Variants in NME8 observed in about 807,000 individuals in gnomAD.
The protein encoded by NME8 is protein NME8.
Under a neutral mutation model 82.3 loss-of-function variants are expected in NME8, and 72 were observed. The ratio of observed to expected loss-of-function variants is 0.87; its 90% confidence interval spans 0.72 to 1.06. The LOEUF is 1.06. Ranked by LOEUF, NME8 falls within the 50% of genes least tolerant of loss-of-function variation. NME8 has a pLI of 0.00. For missense variants in NME8, 712 were observed against 685.4 expected (o/e 1.04, Z -0.43); for synonymous variants, 267 against 228.5 (o/e 1.17, Z -1.52).
At chr7:37,896,637 T>C (rs1785232733) in intron 16 of NME8, among the ~76,000 whole-genome samples, 1 of 152,158 alleles carries the variant, frequency 6.6e-6, no homozygotes, top group South Asian at 2.1e-4. Flanking sequence ...AGTAGCAAAA[T>C]AATAAGACTT....
intron 16 of NME8, among the ~76,000 whole-genome samples, chr7:37,895,876 A>G (rs763860555): frequency 4.6e-5 from 7 of 152,200 alleles, no homozygotes; most frequent in African/African-American, 7.2e-5. Flanking sequence ...CCCAGGAGCC[A>G]TAGGCTGAAC....
chr7:37,857,152 G>A (rs554401414), intron 5 of NME8, 122 bp from the exon 6 acceptor site: 1 of 735,046 alleles, frequency 1.4e-6, no homozygotes, highest in African/African-American at 1.8e-5. Context: ...AACCACTAAG[G>A]CATACCGAAT....
chr7:37,854,610 A>G (rs2131940816), intron 5 of NME8, among the ~76,000 whole-genome samples: 1 of 152,292 alleles, frequency 6.6e-6, no homozygotes, highest in South Asian at 2.1e-4. Context: ...AGCAGTCTTG[A>G]ATAACTGGAA....
chr7:37,857,283 G>T lies in NME8; in HGVS notation c.208G>T (p.Asp70Tyr). The T allele has an allele frequency of 2.5e-6, 4 of 1,610,470 alleles. No homozygotes were observed. The South Asian group carries it at 3.3e-5, about 13-fold the overall frequency. The change falls in exon 6 of 18, where the codon GAC (aspartate) becomes TAC (tyrosine). Residue 70 changes from aspartate to tyrosine, a missense_variant. Physicochemically the swap from Asp to Tyr is radical, Grantham distance 160. Transcript: ENST00000199447. ...EILHFAVAEADNIVTLQPFRD... is the reference protein window; with the variant it reads ...EILHFAVAEAYNIVTLQPFRD... ...TGTTTACTTTTTCCAGGCAGAAGCTGACAACATTGTGACTTTGCAGCCATT... is the reference window on the plus strand; with the variant it reads ...TGTTTACTTTTTCCAGGCAGAAGCTTACAACATTGTGACTTTGCAGCCATT...
chr7:37,862,176 C>G, intron 7 of NME8, 32 bp downstream of exon 7: 1 of 1,403,896 alleles, frequency 7.1e-7, no homozygotes, highest in Non-Finnish European at 1.0e-6. Flanking sequence ...AGTTTGAAGA[C>G]AAGCTTATCA....
intron 15 of NME8, among the ~76,000 whole-genome samples, chr7:37,891,243 T>C (rs1785124793): frequency 1.3e-5 from 2 of 151,924 alleles, no homozygotes; most frequent in African/African-American, 4.8e-5. Context: ...TCTTCACTCT[T>C]GATTTTTTTC....
At chr7:37,854,348 C>T (rs2167265) in intron 5 of NME8, among the ~76,000 whole-genome samples, 2 of 152,046 alleles carry the variant, frequency 1.3e-5, no homozygotes, top group South Asian at 2.1e-4. Context: ...GAGGAGGAGA[C>T]GAAGGAAGAG....
In NME8 at chr7:37,897,023, T is replaced by C; in HGVS notation, c.1698T>C (p.His566=). The change falls in exon 17 of 18, where the codon CAT becomes CAC. Residue 566 remains histidine (H), a synonymous_variant. Coordinates refer to ENST00000199447, the MANE Select transcript of NME8 (RefSeq NM_016616.5). ...FGISKLKNIV[H]GASNAYEAKE... Reference sequence around the variant, plus strand: ...TAAGTAAATTGAAAAACATTGTCCATGGAGCATCTAACGCCTATGAAGCAA... The same window carrying C: ...TAAGTAAATTGAAAAACATTGTCCACGGAGCATCTAACGCCTATGAAGCAA... 1.2e-6 allele frequency: 2 copies of C among 1,613,942 alleles called. No homozygotes were observed. The highest frequency in any genetic ancestry group is 1.7e-6 in the Non-Finnish European group (2 of 1,179,892).
intron 15 of NME8, among the ~76,000 whole-genome samples, chr7:37,892,094 C>A (rs1583645350): frequency 6.6e-6 from 1 of 151,800 alleles, no homozygotes; most frequent in South Asian, 2.1e-4. Context: ...TTTCAAGAAA[C>A]CTGGTGCCAT....
chr7:37,891,966 T>C (rs535692347), intron 15 of NME8, among the ~76,000 whole-genome samples: 1 of 152,054 alleles, frequency 6.6e-6, no homozygotes, highest in African/African-American at 2.4e-5. Context: ...AAATGTTAAA[T>C]GTACTTTGTC....
At chr7:37,870,245 TA>T (rs34913943) in intron 11 of NME8, among the ~76,000 whole-genome samples, 21 of 145,186 alleles carry the variant, frequency 1.4e-4, no homozygotes, top group African/African-American at 7.6e-5. Flanking sequence ...CTGATGAACT[TA>T]AAAAAAAAAA....
At chr7:37,855,651 T>C (rs963763379) in intron 5 of NME8, among the ~76,000 whole-genome samples, 8 of 152,216 alleles carry the variant, frequency 5.3e-5, no homozygotes, top group African/African-American at 1.9e-4. Flanking sequence ...CTGCTTCTCC[T>C]GATATGTTAA....
At chr7:37,867,652 C>T in intron 10 of NME8, 50 bp from the exon 11 acceptor site, 3 of 1,422,930 alleles carry the variant, frequency 2.1e-6, no homozygotes, top group Non-Finnish European at 3.0e-6. Flanking sequence ...CCATTTTAGT[C>T]CATCCATTTC....
At chr7:37,890,345 G>A (rs1785109633) in intron 15 of NME8, among the ~76,000 whole-genome samples, 1 of 151,866 alleles carries the variant, frequency 6.6e-6, no homozygotes, top group African/African-American at 2.4e-5. Context: ...TATTCATGGG[G>A]TACATTATGA....
At chr7:37,861,336 C>T (rs1365605767) in intron 6 of NME8, among the ~76,000 whole-genome samples, 1 of 152,118 alleles carries the variant, frequency 6.6e-6, no homozygotes, top group Non-Finnish European at 1.5e-5. Context: ...TCTGTTATTC[C>T]TTTTGCTCTT....
intron 11 of NME8, among the ~76,000 whole-genome samples, chr7:37,870,423 G>T (rs1583633682): frequency 6.6e-6 from 1 of 151,292 alleles, no homozygotes; most frequent in Non-Finnish European, 1.5e-5. Flanking sequence ...ACCCAGTCTC[G>T]ACTAAAAACA....
chr7:37,885,971 C>A (rs1312654869), intron 14 of NME8, among the ~76,000 whole-genome samples: 2 of 152,148 alleles, frequency 1.3e-5, no homozygotes, highest in Non-Finnish European at 2.9e-5. Flanking sequence ...AATATAGATG[C>A]TCTTTAAGGT....
chr7:37,851,729 A>G (rs925863101), intron 5 of NME8, among the ~76,000 whole-genome samples: 3 of 152,016 alleles, frequency 2.0e-5, no homozygotes, highest in Non-Finnish European at 4.4e-5. Context: ...ATATATTTAT[A>G]TTATATAGAA....
chr7:37,878,836 A>G (rs539799704), intron 12 of NME8, among the ~76,000 whole-genome samples: 1 of 152,292 alleles, frequency 6.6e-6, no homozygotes, highest in East Asian at 1.9e-4. Context: ...ACTGTGATAC[A>G]CTTTTACAGT....
Sources: gnomAD v4.1 joint callset for allele counts (sites outside exome capture counted in the v4.1 genomes callset) on GRCh38, gnomAD v4.1.1 for gene constraint, MANE v1.5 for transcripts, NCBI Gene and HGNC (gene_info 2026-07-23, HGNC 2026-07-21) for gene names.